Variants in ZNF391 observed in about 807,000 individuals in gnomAD.
The protein encoded by ZNF391 is zinc finger protein 391.
For missense variants in ZNF391, 375 were observed against 425.5 expected (o/e 0.88, Z 1.04); for synonymous variants, 126 against 142.1 (o/e 0.89, Z 0.80).
intron 1 of ZNF391, among the ~76,000 whole-genome samples, chr6:27,375,319 G>T (rs1307372931): frequency 6.6e-6 from 1 of 152,176 alleles, no homozygotes; most frequent in Non-Finnish European, 1.5e-5. Flanking sequence ...GCTAGCACAG[G>T]CCTGAGGTCC....
At chr6:27,399,176 G>A (rs995817060) in intron 1 of ZNF391, among the ~76,000 whole-genome samples, 1 of 152,130 alleles carries the variant, frequency 6.6e-6, no homozygotes, top group African/African-American at 2.4e-5. Flanking sequence ...TCCAAAGCAA[G>A]GTTCAGATAT....
chr6:27,385,136 T>G (rs960254581), upstream of ZNF391, among the ~76,000 whole-genome samples: 1 of 151,832 alleles, frequency 6.6e-6, no homozygotes, highest in African/African-American at 2.4e-5. Context: ...AAACTCTAGA[T>G]TAACCACTTA....
rs561637095 is a variant in ZNF391 at position 27,377,743 on chromosome 6, T to A, written n.523+2606T>A. Reference sequence around the variant, plus strand: ...TCAGGACTTCCTGAGACTGTGCCACTGGCACATCCTCAACCTTGGAAAAAA... The same window carrying A: ...TCAGGACTTCCTGAGACTGTGCCACAGGCACATCCTCAACCTTGGAAAAAA... On this transcript the variant is annotated intron_variant and non_coding_transcript_variant, in intron 1 of 2. Transcript: ENST00000477999. Among the ~76,000 whole-genome samples the A allele has an allele frequency of 5.3e-5, 8 of 152,372 alleles. No homozygotes were observed. The East Asian group carries it at 1.2e-3, about 22-fold the overall frequency.
In ZNF391 at chr6:27,403,155, AT is replaced by A. The variant is rs2113668820; in HGVS notation, c.*1709del. ...TAAACTACTACTTTGTTAAAAAAAAATAGTCGTTTCCCAGTGACCTCTGCCC... is the reference window on the plus strand; with the variant it reads ...TAAACTACTACTTTGTTAAAAAAAAAAGTCGTTTCCCAGTGACCTCTGCCC... On this transcript the variant is annotated 3_prime_UTR_variant, in exon 3 of 3. Coordinates refer to ENST00000244576, the MANE Select transcript of ZNF391 (RefSeq NM_001076781.3). The A allele has an allele frequency of 1.3e-5, 2 of 151,798 alleles. No homozygotes were observed. Among genetic ancestry groups the A allele is most frequent in the African/African-American group, 4.8e-5 (2 of 41,364 alleles). The allele number at this position is 151,798 out of a possible 1,614,324, so 9.4% of individuals were successfully genotyped here.
At chr6:27,383,138 A>G (rs1761534690) in intron 1 of ZNF391, among the ~76,000 whole-genome samples, 1 of 152,122 alleles carries the variant, frequency 6.6e-6, no homozygotes, top group African/African-American at 2.4e-5. Context: ...ACCAAAACAC[A>G]AAATTGAAAA....
chr6:27,384,854 CTA>C (rs1037705905), upstream of ZNF391, among the ~76,000 whole-genome samples: 10 of 152,012 alleles, frequency 6.6e-5, no homozygotes, highest in Non-Finnish European at 1.5e-4. Flanking sequence ...CCCATCTCTA[CTA>C]AAAGTACAAA....
intron 1 of ZNF391, among the ~76,000 whole-genome samples, chr6:27,396,267 C>A (rs575445419): frequency 4.9e-4 from 74 of 152,250 alleles, no homozygotes; most frequent in South Asian, 1.5e-3. Flanking sequence ...ATATGCATTT[C>A]AGCATGTAAA....
intron 1 of ZNF391, chr6:27,389,410 A>G (rs530824759): frequency 2.9e-4 from 134 of 456,330 alleles, no homozygotes; most frequent in South Asian, 2.1e-3. Flanking sequence ...CACTGCTCCA[A>G]GAGTTTTTAC....
chr6:27,392,072 G>A (rs550064931), intron 1 of ZNF391, among the ~76,000 whole-genome samples: 1 of 152,262 alleles, frequency 6.6e-6, no homozygotes, highest in South Asian at 2.1e-4. Flanking sequence ...TCTTCATTTT[G>A]CAGGTGAGGA....
At chr6:27,389,330 G>C in intron 1 of ZNF391, 1 of 454,766 alleles carries the variant, frequency 2.2e-6, no homozygotes, top group Non-Finnish European at 4.4e-6. Flanking sequence ...GTTGCTCCCT[G>C]CTTCCCCTCT....
intron 1 of ZNF391, among the ~76,000 whole-genome samples, chr6:27,378,589 A>C (rs536101393): frequency 5.9e-5 from 9 of 152,290 alleles, no homozygotes; most frequent in African/African-American, 2.2e-4. Context: ...CCGTCAGTTA[A>C]GGCAGGAACA....
chr6:27,379,613 AC>A (rs56209734), intron 1 of ZNF391, among the ~76,000 whole-genome samples: 106,330 of 151,466 alleles, frequency 0.7, 37,434 homozygotes, highest in Middle Eastern at 0.79. Flanking sequence ...TCACCAGGGG[AC>A]CCCCCCCCAT....
chr6:27,401,517 T>C lies in ZNF391; in HGVS notation c.*70T>C. 1 of 1,174,590 alleles carries C rather than the reference T, an allele frequency of 8.5e-7. No individual in the cohort carries two copies. The highest frequency in any genetic ancestry group is 1.2e-6 in the Non-Finnish European group (1 of 840,086). The allele number at this position is 1,174,590 out of a possible 1,614,324, so 72.8% of individuals were successfully genotyped here. A position where few individuals can be genotyped will look rare whatever the true frequency, so the allele number is the denominator to read the frequency against. On this transcript the variant is annotated 3_prime_UTR_variant, in exon 3 of 3. Coordinates refer to ENST00000244576, the MANE Select transcript of ZNF391 (RefSeq NM_001076781.3). ...ACCTCCCACCACTGAAATATATATA[T>C]TTCAAGTATATATATACTTGTTCTA... is the stretch of plus-strand genomic sequence containing the variant.
chr6:27,388,601 TC>T (rs1334371333), upstream of ZNF391: 1 of 300,926 alleles, frequency 3.3e-6, no homozygotes, highest in Non-Finnish European at 6.4e-6. Context: ...CAGACCCCCT[TC>T]CTCTTGCCTC....
intron 1 of ZNF391, among the ~76,000 whole-genome samples, chr6:27,390,736 C>CA (rs1463857998): frequency 6.6e-6 from 1 of 152,178 alleles, no homozygotes; most frequent in Non-Finnish European, 1.5e-5. Context: ...TCACAGTTTT[C>CA]AAATTCATTG....
Position 27,402,127 on chromosome 6 carries a change from T to C in ZNF391, c.*680T>C, listed in dbSNP as rs1761985658. The C allele has an allele frequency of 6.6e-6, 1 of 152,226 alleles. No homozygotes were observed. The highest frequency in any genetic ancestry group is 2.4e-5 in the African/African-American group (1 of 41,462). The allele number at this position is 152,226 out of a possible 1,614,324, so 9.4% of individuals were successfully genotyped here. A position where few individuals can be genotyped will look rare whatever the true frequency, so the allele number is the denominator to read the frequency against. On this transcript the variant is annotated 3_prime_UTR_variant, in exon 3 of 3. Coordinates refer to ENST00000244576, the MANE Select transcript of ZNF391 (RefSeq NM_001076781.3). ...TTTTTTACTAACGCCTAACTAATCCTAGTGTTATTTTATCATATTTTTACC... is the reference window on the plus strand; with the variant it reads ...TTTTTTACTAACGCCTAACTAATCCCAGTGTTATTTTATCATATTTTTACC...
At chr6:27,375,341 T>G (rs143152703) in intron 1 of ZNF391, among the ~76,000 whole-genome samples, 162 of 152,028 alleles carry the variant, frequency 1.1e-3, no homozygotes, top group African/African-American at 3.7e-3. Flanking sequence ...AATTGGGAGG[T>G]GTAGGCATGG....
chr6:27,395,931 T>G (rs1761814307), intron 1 of ZNF391, among the ~76,000 whole-genome samples: 2 of 152,244 alleles, frequency 1.3e-5, no homozygotes, highest in South Asian at 2.1e-4. Context: ...AGTTCTCATA[T>G]TACCTTATGG....
chr6:27,385,931 C>T (rs1462930073), upstream of ZNF391, among the ~76,000 whole-genome samples: 1 of 152,102 alleles, frequency 6.6e-6, no homozygotes, highest in African/African-American at 2.4e-5. Context: ...AATGATTTAT[C>T]TCAGATGACA....
Sources: gnomAD v4.1 joint callset for allele counts (sites outside exome capture counted in the v4.1 genomes callset) on GRCh38, gnomAD v4.1.1 for gene constraint, MANE v1.5 for transcripts, NCBI Gene and HGNC (gene_info 2026-07-23, HGNC 2026-07-21) for gene names.